Variants in GPC5 observed in about 807,000 individuals in gnomAD.
GPC5 encodes the protein glypican 5.
Under a neutral mutation model 53.9 loss-of-function variants are expected in GPC5, and 47 were observed. The observed-to-expected ratio is 0.87, with a 90% CI of 0.69 to 1.11. The LOEUF (loss-of-function observed/expected upper bound fraction) is 1.11, where lower values mean the gene tolerates loss of function less well. GPC5 is among the 50% of genes most tolerant of loss of function. The pLI is 0.00. For synonymous variants in GPC5, 286 were observed against 263.3 expected (o/e 1.09, Z -0.84); for missense variants, 748 against 713.1 (o/e 1.05, Z -0.56).
At chr13:92,783,306 T>A (rs2138764537) in intron 7 of GPC5, among the ~76,000 whole-genome samples, 1 of 152,290 alleles carries the variant, frequency 6.6e-6, no homozygotes, top group Non-Finnish European at 1.5e-5. Context: ...TCACCTATAG[T>A]AGACTGCTGA....
intron 6 of GPC5, among the ~76,000 whole-genome samples, chr13:92,125,924 G>GTTTTTTTTTTTTTTTTTTTTTTT (rs1190169532): frequency 1.3e-5 from 1 of 75,820 alleles, no homozygotes; most frequent in African/African-American, 5.3e-5. Context: ...TTGTTTTTTG[G>GTTTTTTTTTTTTTTTTTTTTTTT]TTTTTTTTTT....
At chr13:92,103,167 A>G (rs947256161) in intron 6 of GPC5, among the ~76,000 whole-genome samples, 4 of 151,986 alleles carry the variant, frequency 2.6e-5, no homozygotes, top group African/African-American at 9.7e-5. Context: ...CTGCTTGTGA[A>G]GTTTTTTTTA....
chr13:91,810,785 TG>T (rs977472104), intron 5 of GPC5, among the ~76,000 whole-genome samples: 7 of 151,898 alleles, frequency 4.6e-5, no homozygotes, highest in African/African-American at 1.7e-4. Context: ...TGTCACCAGA[TG>T]TTATAGTAAA....
intron 5 of GPC5, among the ~76,000 whole-genome samples, chr13:91,798,027 A>C (rs923515942): frequency 1.3e-5 from 2 of 152,228 alleles, no homozygotes; most frequent in African/African-American, 2.4e-5. Flanking sequence ...TAACTGACAT[A>C]GGATTTGTGT....
intron 7 of GPC5, among the ~76,000 whole-genome samples, chr13:92,413,554 G>A (rs1876141923): frequency 6.6e-6 from 1 of 152,096 alleles, no homozygotes; most frequent in Non-Finnish European, 1.5e-5. Flanking sequence ...CCAAATTTTA[G>A]AATGAATTGG....
intron 3 of GPC5, among the ~76,000 whole-genome samples, chr13:91,696,987 T>C (rs2139833915): frequency 6.6e-6 from 1 of 152,316 alleles, no homozygotes; most frequent in East Asian, 1.9e-4. Context: ...TGCTTCAGTT[T>C]CCTCTTTGGT....
intron 2 of GPC5, among the ~76,000 whole-genome samples, chr13:91,584,428 C>G (rs1443197456): frequency 6.6e-6 from 1 of 151,950 alleles, no homozygotes; most frequent in Non-Finnish European, 1.5e-5. Flanking sequence ...AACATACATA[C>G]AAAAAATCAA....
At position 92,204,603 on chromosome 13, in the gene GPC5, G is replaced by A. The variant is rs78295798; in HGVS notation, c.1561+59614G>A. On this transcript the variant is annotated intron_variant, in intron 7 of 7. Transcript: ENST00000377067. ...TTGAGAGTTCCCACAACAATTCTGC[G>A]TTGATAATTCACTAGAAAAACTTAC... Among the ~76,000 whole-genome samples, 1,215 of 152,208 alleles carry A rather than the reference G, an allele frequency of 8.0e-3. 23 individuals are homozygous for A. The highest frequency in any genetic ancestry group is 0.027 in the African/African-American group (1,134 of 41,536).
chr13:92,283,990 G>A (rs7998498), intron 7 of GPC5, among the ~76,000 whole-genome samples: 30,113 of 151,984 alleles, frequency 0.2, 3,105 homozygotes, highest in South Asian at 0.37. Context: ...TTGATAGACC[G>A]CTAGCAAGAC....
rs1473764808 is a variant in GPC5, at chr13:92,385,520, A to ATATATACATG, written c.1561+240534_1561+240535insATACATGTAT. On this transcript the variant is annotated intron_variant, in intron 7 of 7. Transcript: ENST00000377067. Reference sequence around the variant, plus strand: ...TACATACATATACATATATACATACATATGCATATATACATATATGCATAT... The same window carrying ATATATACATG: ...TACATACATATACATATATACATACATATATACATGTATGCATATATACATATATGCATAT... Among the ~76,000 whole-genome samples the ATATATACATG allele has an allele frequency of 3.6e-3, 80 of 22,294 alleles. 1 individual carries two copies. The highest frequency in any genetic ancestry group is 4.8e-3 in the Non-Finnish European group (61 of 12,778). 14.6% of individuals were successfully genotyped at this position (22,294 alleles called of 152,430 possible).
At chr13:92,546,168 A>G (rs966450233) in intron 7 of GPC5, among the ~76,000 whole-genome samples, 1 of 152,102 alleles carries the variant, frequency 6.6e-6, no homozygotes, top group South Asian at 2.1e-4. Context: ...GGCCAGGGCA[A>G]CTTCAGGCAG....
At chr13:92,446,472 TA>T (rs1566594138) in intron 7 of GPC5, 1 of 151,420 alleles carries the variant, frequency 6.6e-6, no homozygotes, top group African/African-American at 2.4e-5. Context: ...ATTCTTTTTT[TA>T]TGGCTAGATA....
intron 6 of GPC5, among the ~76,000 whole-genome samples, chr13:91,947,343 C>T (rs2039983260): frequency 6.6e-6 from 1 of 152,112 alleles, no homozygotes; most frequent in African/African-American, 2.4e-5. Context: ...CTCTATTCTC[C>T]TGCTGGCTCC....
chr13:91,928,983 G>T (rs931794778), intron 6 of GPC5, among the ~76,000 whole-genome samples: 1 of 151,964 alleles, frequency 6.6e-6, no homozygotes, highest in African/African-American at 2.4e-5. Flanking sequence ...AGTATAAGTA[G>T]GTTTCAAAAA....
At chr13:92,468,623 ATACT>A (rs1878793502) in intron 7 of GPC5, among the ~76,000 whole-genome samples, 1 of 152,162 alleles carries the variant, frequency 6.6e-6, no homozygotes. Flanking sequence ...TACGAGAAGA[ATACT>A]TACTTCATTT....
intron 6 of GPC5, among the ~76,000 whole-genome samples, chr13:91,913,389 ACT>A (rs1348702137): frequency 1.4e-5 from 2 of 147,712 alleles, no homozygotes; most frequent in East Asian, 2.0e-4. Flanking sequence ...ACAGAGCAAG[ACT>A]CTGTCAAAAA....
chr13:92,438,893 G>A (rs1251216790), intron 7 of GPC5, among the ~76,000 whole-genome samples: 1 of 152,076 alleles, frequency 6.6e-6, no homozygotes, highest in Non-Finnish European at 1.5e-5. Flanking sequence ...GGAAGAGAAA[G>A]TAAGCATGCT....
At chr13:92,640,979 GGGGGA>G (rs1208478534) in intron 7 of GPC5, among the ~76,000 whole-genome samples, 2 of 151,844 alleles carry the variant, frequency 1.3e-5, no homozygotes, top group Admixed American at 6.6e-5. Flanking sequence ...ATGGGGTGGC[GGGGGA>G]GGGGAGGATG....
At chr13:92,618,162 A>T (rs1445333139) in intron 7 of GPC5, among the ~76,000 whole-genome samples, 1 of 152,164 alleles carries the variant, frequency 6.6e-6, no homozygotes, top group Non-Finnish European at 1.5e-5. Flanking sequence ...CCTATAAAAA[A>T]TAAGGGAAAT....
Sources: gnomAD v4.1 joint callset for allele counts (sites outside exome capture counted in the v4.1 genomes callset) on GRCh38, gnomAD v4.1.1 for gene constraint, MANE v1.5 for transcripts, NCBI Gene and HGNC (gene_info 2026-07-23, HGNC 2026-07-21) for gene names.